The following CFAP57 variants were observed in gnomAD, a reference collection of about 807,000 sequenced individuals.
CFAP57 encodes the protein cilia and flagella associated protein 57.
CFAP57 carries 116 observed loss-of-function variants against 146.8 expected under a neutral mutation model. That is an observed-to-expected ratio of 0.79 (90% CI 0.68 to 0.92). The LOEUF is 0.92. Ranked by LOEUF, CFAP57 falls within the 40% of genes least tolerant of loss-of-function variation. The pLI is 0.00. For missense variants in CFAP57, 1,377 were observed against 1,527.2 expected (o/e 0.90, Z 1.64); for synonymous variants, 518 against 552.8 (o/e 0.94, Z 0.88).
At chr1:43,215,497 C>T in intron 12 of CFAP57, 81 bp downstream of exon 12, 1 of 1,486,498 alleles carries the variant, frequency 6.7e-7, no homozygotes, top group South Asian at 1.3e-5. Context: ...CTGGGGCCCT[C>T]TACAGCCTGG....
At chr1:43,200,372 A>G (rs1023109108) in intron 9 of CFAP57, among the ~76,000 whole-genome samples, 1 of 151,892 alleles carries the variant, frequency 6.6e-6, no homozygotes, top group African/African-American at 2.4e-5. Flanking sequence ...CTGTGGTCCC[A>G]GTTACTTGGG....
intron 21 of CFAP57, among the ~76,000 whole-genome samples, chr1:43,236,831 C>T (rs1487594647): frequency 2.0e-5 from 3 of 151,510 alleles, no homozygotes; most frequent in East Asian, 1.9e-4. Flanking sequence ...ATGGCATGAA[C>T]GTGGGAGGCA....
intron 17 of CFAP57, 58 bp downstream of exon 17, chr1:43,224,262 G>A: frequency 6.8e-7 from 1 of 1,463,318 alleles, no homozygotes; most frequent in South Asian, 1.5e-5. Flanking sequence ...GGCGAGGAAG[G>A]CAAAGCTCAG....
intron 22 of CFAP57, among the ~76,000 whole-genome samples, chr1:43,248,315 T>A (rs994237888): frequency 2.1e-4 from 31 of 149,638 alleles, no homozygotes; most frequent in Non-Finnish European, 2.8e-4. Context: ...CATAAAAAAA[T>A]TTTCTTTTTT....
At chr1:43,223,431 A>G (rs1429465706) in intron 16 of CFAP57, among the ~76,000 whole-genome samples, 3 of 152,130 alleles carry the variant, frequency 2.0e-5, no homozygotes, top group Non-Finnish European at 4.4e-5. Flanking sequence ...CCTGTTCAGC[A>G]CCACAGGTGG....
chr1:43,180,240 A>ATATATATATATATATATATATAT (rs1557726343), intron 2 of CFAP57, among the ~76,000 whole-genome samples: 1 of 121,558 alleles, frequency 8.2e-6, no homozygotes, highest in African/African-American at 3.0e-5. Flanking sequence ...TATATATATA[A>ATATATATATATATATATATATAT]AATATATATA....
chr1:43,190,188 C>T (rs1179088703), intron 6 of CFAP57, among the ~76,000 whole-genome samples: 1 of 151,324 alleles, frequency 6.6e-6, no homozygotes, highest in East Asian at 1.9e-4. Flanking sequence ...GCTAGAACCT[C>T]TAGTATCATG....
chr1:43,218,664 G>A (rs1366493957), intron 12 of CFAP57, among the ~76,000 whole-genome samples: 1 of 151,976 alleles, frequency 6.6e-6, no homozygotes, highest in Non-Finnish European at 1.5e-5. Context: ...AAACCAGCAA[G>A]ACAGAAGAGT....
chr1:43,243,285 G>C lies in CFAP57; in HGVS notation c.3464G>C (p.Arg1155Pro), dbSNP rs188867195. The stretch of plus-strand genomic sequence containing the variant: ...CTCCGCAGGGAGCTGAAGTTCACTC[G>C]GTCCCAAGTCTATGACCTTGAAGCA... ...NELRRELKFT[R>P]SQVYDLEAAL... The change falls in exon 22 of 23, where the codon CGG (arginine) becomes CCG (proline). Residue 1155 changes from arginine to proline, a missense_variant. Physicochemically the swap from Arg to Pro is moderately radical, Grantham distance 103. Transcript: ENST00000372492. 1 of 1,549,838 alleles carries C rather than the reference G, an allele frequency of 6.5e-7. No homozygotes were observed. The highest frequency in any genetic ancestry group is 1.4e-5 in the African/African-American group (1 of 73,110).
chr1:43,185,378 G>T, intron 5 of CFAP57, 22 bp downstream of exon 5: 1 of 1,607,384 alleles, frequency 6.2e-7, no homozygotes, highest in South Asian at 1.1e-5. Context: ...AGAAAAAAAA[G>T]AAGTAAAATG....
intron 2 of CFAP57, among the ~76,000 whole-genome samples, 174 bp downstream of exon 2, chr1:43,173,084 A>T (rs1645039405): frequency 6.6e-6 from 1 of 152,224 alleles, no homozygotes; most frequent in African/African-American, 2.4e-5. Context: ...TTAATCAGTC[A>T]CGCATATGTA....
chr1:43,200,448 C>T (rs956082278), intron 9 of CFAP57, among the ~76,000 whole-genome samples: 3 of 148,736 alleles, frequency 2.0e-5, no homozygotes, highest in African/African-American at 7.6e-5. Context: ...GATCACACCA[C>T]TGCACTCCAG....
intron 11 of CFAP57, among the ~76,000 whole-genome samples, chr1:43,213,167 A>G (rs1289638356): frequency 6.6e-6 from 1 of 151,914 alleles, no homozygotes; most frequent in East Asian, 1.9e-4. Context: ...CGCTCACTGC[A>G]ACCACCGCCT....
Position 43,172,338 on chromosome 1 carries a change from T to C in CFAP57, c.-135T>C. On this transcript the variant is annotated 5_prime_UTR_variant, in exon 1 of 23. Coordinates refer to ENST00000372492, the MANE Select transcript of CFAP57 (RefSeq NM_001378189.1). ...TTCCGGCGGCAAACCATACTTCCGG[T>C]TTGTCGTTGCTATAGGAACCGCTAC... The C allele has an allele frequency of 6.4e-7, 1 of 1,551,590 alleles. No homozygotes were observed. The highest frequency in any genetic ancestry group is 1.2e-5 in the South Asian group (1 of 84,064).
chr1:43,197,778 C>CT, intron 7 of CFAP57, 86 bp downstream of exon 7: 5 of 1,558,566 alleles, frequency 3.2e-6, no homozygotes, highest in Non-Finnish European at 3.5e-6. Flanking sequence ...GTGTTCCAAA[C>CT]TTTAATTATT....
chr1:43,209,658 A>T, intron 10 of CFAP57, 85 bp from the exon 11 acceptor site: 1 of 1,351,138 alleles, frequency 7.4e-7, no homozygotes, highest in Non-Finnish European at 1.0e-6. Context: ...GGGATCTGTT[A>T]GAGCAGAGGG....
At position 43,181,748 on chromosome 1, in the gene CFAP57, T is replaced by C. The variant is rs1489451829; in HGVS notation, c.372T>C (p.Ala124=). Residue 124 remains alanine (A), a synonymous_variant, in exon 3 of 23, where the codon GCT becomes GCC. Transcript: ENST00000372492. ...CTCCAGACTCCAAATACCTATTGGC[T>C]CAGACGTCACCTCCAGAGTCAAATC... ...AFSPDSKYLL[A]QTSPPESNLV... 2 of 1,614,024 alleles carry C rather than the reference T, an allele frequency of 1.2e-6. No homozygotes were observed. Among genetic ancestry groups the C allele is most frequent in the East Asian group, 4.5e-5 (2 of 44,890 alleles).
At chr1:43,232,840 A>G (rs1206273016) in intron 19 of CFAP57, among the ~76,000 whole-genome samples, 1 of 152,242 alleles carries the variant, frequency 6.6e-6, no homozygotes, top group African/African-American at 2.4e-5. Flanking sequence ...ACTTTGGGTA[A>G]GTGATCAAGG....
rs762190744 is a variant in CFAP57 at position 43,181,549 on chromosome 1, A to G, written c.173A>G (p.Gln58Arg). The change falls in exon 3 of 23, where the codon CAG becomes CGG. Residue 58 changes from glutamine (Q) to arginine (R), a missense_variant. Physicochemically the swap from Gln to Arg is conservative, Grantham distance 43. Coordinates refer to ENST00000372492, the MANE Select transcript of CFAP57 (RefSeq NM_001378189.1). ...CTGTTTGCAGGCTCAGAGAAGAGTC[A>G]GGGCATGTTGGCCTTGTCCATCAGT... ...QKFIPGSEKS[Q>R]GMLALSISPN... The G allele has an allele frequency of 4.3e-6, 7 of 1,614,208 alleles. No homozygotes were observed. Among genetic ancestry groups the G allele is most frequent in the Non-Finnish European group, 4.2e-6 (5 of 1,180,038 alleles).
Sources: gnomAD v4.1 joint callset for allele counts (sites outside exome capture counted in the v4.1 genomes callset) on GRCh38, gnomAD v4.1.1 for gene constraint, MANE v1.5 for transcripts, NCBI Gene and HGNC (gene_info 2026-07-23, HGNC 2026-07-21) for gene names.